The following ADK variants were observed in gnomAD, a reference collection of about 807,000 sequenced individuals.
The protein encoded by ADK is adenosine kinase, also known as N6,N6-dimethyladenosine kinase.
ADK carries 24 observed loss-of-function variants against 44.7 expected under a neutral mutation model. The observed-to-expected ratio is 0.54, with a 90% CI of 0.39 to 0.76. The LOEUF (loss-of-function observed/expected upper bound fraction) is 0.76, where lower values mean the gene tolerates loss of function less well. Among genes scored for constraint, ADK ranks in the 30% least tolerant of loss-of-function variants. The probability of loss-of-function intolerance (pLI) is 0.00; values close to 1 mark genes in which losing one functional copy is unlikely to be tolerated. For missense variants in ADK, 321 were observed against 425.1 expected (o/e 0.76, Z 2.15); for synonymous variants, 128 against 142.6 (o/e 0.90, Z 0.73).
At chr10:74,222,505 T>C (rs898487697) in intron 2 of ADK, among the ~76,000 whole-genome samples, 16 of 152,028 alleles carry the variant, frequency 1.1e-4, no homozygotes, top group Non-Finnish European at 2.4e-4. Context: ...GCCATCCCAT[T>C]ACTGGGTGTA....
intron 4 of ADK, among the ~76,000 whole-genome samples, chr10:74,360,961 G>T (rs537341772): frequency 6.6e-6 from 1 of 152,208 alleles, no homozygotes; most frequent in Non-Finnish European, 1.5e-5. Context: ...ATGCTGGAGT[G>T]CAGTGGTGTG....
At chr10:74,429,639 G>A (rs1484323308) in intron 6 of ADK, among the ~76,000 whole-genome samples, 2 of 152,044 alleles carry the variant, frequency 1.3e-5, no homozygotes, top group African/African-American at 4.8e-5. Context: ...AGAGGAGCAG[G>A]AACTGTCTAA....
chr10:74,209,455 GTAAA>G (rs1336917460), intron 2 of ADK, among the ~76,000 whole-genome samples: 4 of 152,114 alleles, frequency 2.6e-5, no homozygotes, highest in East Asian at 1.9e-4. Context: ...ACATAAGTAA[GTAAA>G]TAAATAAATA....
intron 3 of ADK, among the ~76,000 whole-genome samples, chr10:74,289,076 A>G (rs369182840): frequency 3.3e-5 from 5 of 152,370 alleles, no homozygotes; most frequent in South Asian, 2.1e-4. Flanking sequence ...TTGGGCCATA[A>G]TGAAGCATAA....
intron 7 of ADK, among the ~76,000 whole-genome samples, chr10:74,578,807 G>A (rs796180581): frequency 6.6e-6 from 1 of 152,138 alleles, no homozygotes; most frequent in African/African-American, 2.4e-5. Flanking sequence ...AACTGAGTAG[G>A]TAATTCTTCA....
chr10:74,548,402 G>A (rs1347532879), intron 7 of ADK, among the ~76,000 whole-genome samples: 1 of 152,012 alleles, frequency 6.6e-6, no homozygotes, highest in Non-Finnish European at 1.5e-5. Flanking sequence ...TTGGAAAAGG[G>A]GAAAATTGCC....
At chr10:74,237,213 G>A (rs948100352) in intron 3 of ADK, among the ~76,000 whole-genome samples, 1 of 152,188 alleles carries the variant, frequency 6.6e-6, no homozygotes, top group Non-Finnish European at 1.5e-5. Flanking sequence ...TAAGTTTATG[G>A]AATATTCAAA....
rs1302981892 is a variant in ADK, at chr10:74,179,561, A to G, written c.66-21203A>G. Among the ~76,000 whole-genome samples the G allele has an allele frequency of 6.6e-5, 10 of 152,208 alleles. No homozygotes were observed. In the East Asian group the frequency reaches 1.9e-3, roughly 29 times the overall value. On this transcript the variant is annotated intron_variant, in intron 1 of 10. Coordinates refer to ENST00000539909, the MANE Select transcript of ADK (RefSeq NM_006721.4). The stretch of plus-strand genomic sequence containing the variant: ...TATACACTAATTATAATGTATTAGC[A>G]TGCTAAAATACACTCCCACCAGTGC...
At chr10:74,374,529 AT>A (rs939542286) in intron 4 of ADK, among the ~76,000 whole-genome samples, 8 of 152,196 alleles carry the variant, frequency 5.3e-5, no homozygotes, top group African/African-American at 1.7e-4. Context: ...TTACACGATC[AT>A]AATTTTCAGA....
intron 10 of ADK, among the ~76,000 whole-genome samples, chr10:74,705,191 C>A (rs1410720538): frequency 6.6e-6 from 1 of 152,172 alleles, no homozygotes; most frequent in Non-Finnish European, 1.5e-5. Context: ...CTTCATCCCC[C>A]TCAGGCTGCC....
intron 1 of ADK, chr10:74,174,527 C>T (rs538758344): frequency 6.6e-6 from 1 of 152,090 alleles, no homozygotes. Flanking sequence ...TGCATTTTAA[C>T]AAGATCCACG....
intron 7 of ADK, among the ~76,000 whole-genome samples, chr10:74,560,027 T>C (rs372929337): frequency 2.0e-5 from 3 of 152,194 alleles, no homozygotes; most frequent in Admixed American, 1.3e-4. Context: ...TGCAGCCCTC[T>C]GGCCACAGGC....
At chr10:74,408,332 C>A (rs1357932063) in intron 6 of ADK, among the ~76,000 whole-genome samples, 4 of 151,998 alleles carry the variant, frequency 2.6e-5, no homozygotes, top group African/African-American at 7.2e-5. Flanking sequence ...TATCTCTATG[C>A]GAATTCTGTA....
In ADK at chr10:74,347,106, C is replaced by CAAAA. The variant is rs58074760; in HGVS notation, c.273+32394_273+32397dup. ...TGGGCGACAGAGCGACACTCTGTCT[C>CAAAA]AAAAAAAAAAAAAAAAAAAAAAAAA... On this transcript the variant is annotated intron_variant, in intron 4 of 10. Transcript: ENST00000539909. Among the ~76,000 whole-genome samples the CAAAA allele has an allele frequency of 2.5e-4, 23 of 92,298 alleles. 2 individuals are homozygous for CAAAA. The highest frequency in any genetic ancestry group is 9.1e-4 in the East Asian group (2 of 2,186). The allele number at this position is 92,298 out of a possible 152,430, so 60.6% of individuals were successfully genotyped here.
intron 10 of ADK, among the ~76,000 whole-genome samples, chr10:74,674,288 AACCCCCT>A (rs1855300438): frequency 6.6e-6 from 1 of 152,148 alleles, no homozygotes; most frequent in African/African-American, 2.4e-5. Flanking sequence ...CATTGGTTAA[AACCCCCT>A]GCTCCCTCTC....
At chr10:74,394,878 A>G (rs1176983508) in intron 5 of ADK, among the ~76,000 whole-genome samples, 2 of 152,148 alleles carry the variant, frequency 1.3e-5, no homozygotes, top group Non-Finnish European at 2.9e-5. Flanking sequence ...AACCAAGTAT[A>G]TTTCTATACA....
intron 9 of ADK, chr10:74,655,761 C>T (rs1854465002): frequency 2.0e-6 from 1 of 491,496 alleles, no homozygotes; most frequent in Middle Eastern, 4.0e-4. Flanking sequence ...GCCAGACACC[C>T]TCCCTGGCCA....
Position 74,222,575 on chromosome 10 carries a change from G to A in ADK, c.141-1963G>A, listed in dbSNP as rs576045712. ...ACACATGCACACGTTTGTTTATTGC[G>A]GCGCTATTAACAATAGCAAAGACTT... On this transcript the variant is annotated intron_variant, in intron 2 of 10. Coordinates refer to ENST00000539909, the MANE Select transcript of ADK (RefSeq NM_006721.4). Among the ~76,000 whole-genome samples, 18 of 152,150 alleles carry A rather than the reference G, an allele frequency of 1.2e-4. No individual in the cohort carries two copies. The South Asian group carries it at 3.7e-3, about 32-fold the overall frequency.
At chr10:74,456,203 C>T (rs916047939) in intron 6 of ADK, among the ~76,000 whole-genome samples, 2 of 152,110 alleles carry the variant, frequency 1.3e-5, no homozygotes, top group African/African-American at 4.8e-5. Context: ...TAGACATCTA[C>T]AGAACTCTCC....
Sources: allele counts gnomAD v4.1 joint callset (sites outside exome capture counted in the v4.1 genomes callset), GRCh38; gene constraint gnomAD v4.1.1; transcripts MANE v1.5; gene names NCBI Gene and HGNC (gene_info 2026-07-23, HGNC 2026-07-21).